Variants in HSPA12A observed in about 807,000 individuals in gnomAD.
HSPA12A encodes heat shock 70 kDa protein 12A.
In HSPA12A, 28 loss-of-function variants were observed where a neutral mutation model predicts 69.2. The observed-to-expected ratio is 0.40, with a 90% CI of 0.30 to 0.55. HSPA12A has a LOEUF of 0.55. Among genes scored for constraint, HSPA12A ranks in the 20% least tolerant of loss-of-function variants. The pLI is 0.38. For missense variants in HSPA12A, 686 were observed against 900.7 expected (o/e 0.76, Z 3.05); for synonymous variants, 345 against 370.5 (o/e 0.93, Z 0.79).
intron 2 of HSPA12A, among the ~76,000 whole-genome samples, chr10:116,807,871 C>A (rs1845098055): frequency 6.6e-6 from 1 of 152,204 alleles, no homozygotes; most frequent in South Asian, 2.1e-4. Context: ...ATTCTTCAAT[C>A]AGGACATGCA....
intron 2 of HSPA12A, among the ~76,000 whole-genome samples, chr10:116,781,301 G>GA (rs59929331): frequency 0.022 from 3,226 of 147,792 alleles, 96 homozygotes; most frequent in African/African-American, 0.073. Context: ...AAAGAAAACA[G>GA]AAAAAAAAAA....
chr10:116,797,258 C>G (rs371797264), intron 2 of HSPA12A, among the ~76,000 whole-genome samples: 1 of 128,510 alleles, frequency 7.8e-6, no homozygotes, highest in African/African-American at 2.9e-5. Context: ...GGCTGGTGCA[C>G]GGGGCTGACA....
chr10:116,692,759 T>C (rs572768166), intron 5 of HSPA12A, among the ~76,000 whole-genome samples: 1 of 152,324 alleles, frequency 6.6e-6, no homozygotes, highest in South Asian at 2.1e-4. Context: ...ACTGACAACC[T>C]CTTAGGCCTC....
intron 1 of HSPA12A, among the ~76,000 whole-genome samples, chr10:116,719,288 C>T (rs1268188378): frequency 6.6e-6 from 1 of 152,174 alleles, no homozygotes; most frequent in Non-Finnish European, 1.5e-5. Flanking sequence ...GGAAGTCGGC[C>T]TGGGGCTTCT....
intron 1 of HSPA12A, among the ~76,000 whole-genome samples, chr10:116,732,559 A>C (rs1034484939): frequency 6.6e-6 from 1 of 152,220 alleles, no homozygotes; most frequent in Non-Finnish European, 1.5e-5. Context: ...GCCAAGGCAC[A>C]AAAAGATGGG....
At chr10:116,771,372 G>T (rs1844204716) in intron 2 of HSPA12A, among the ~76,000 whole-genome samples, 2 of 152,262 alleles carry the variant, frequency 1.3e-5, no homozygotes, top group African/African-American at 2.4e-5. Context: ...TGGGGCCAGA[G>T]GCCAAAACTG....
rs1396477688 is a variant in HSPA12A, at chr10:116,789,819, T to C, written c.91+45116A>G. Among the ~76,000 whole-genome samples, 5 of 152,170 alleles carry C rather than the reference T, an allele frequency of 3.3e-5. No individual in the cohort carries two copies. The East Asian group carries it at 7.7e-4, about 24-fold the overall frequency. On this transcript the variant is annotated intron_variant, in intron 2 of 12. Coordinates refer to the HSPA12A transcript ENST00000635765. ...GTGAGGAGGGCATTATCTCTGGCCA[T>C]GCTTCATATCCCTGGAAGCTCTCTC...
At position 116,675,824 on chromosome 10, in the gene HSPA12A, A is replaced by G. The variant is rs964691242; in HGVS notation, c.1391-406T>C. Among the ~76,000 whole-genome samples the G allele has an allele frequency of 2.0e-5, 3 of 152,178 alleles. No individual in the cohort carries two copies. Among genetic ancestry groups the G allele is most frequent in the Admixed American group, 2.0e-4 (3 of 15,284 alleles). ...CCACTCCTAGAGAGTCTGATTTGGT[A>G]GGCGGGGGACAGGATACTGAAAGAG... On this transcript the variant is annotated intron_variant, in intron 11 of 11. Coordinates refer to ENST00000369209, the MANE Select transcript of HSPA12A (RefSeq NM_025015.3). This position sits in a 1 kb window ranked among gnomAD's most constrained non-coding sequence, Gnocchi z 5.2.
chr10:116,816,991 C>T (rs1564829313), intron 2 of HSPA12A, among the ~76,000 whole-genome samples: 1 of 152,176 alleles, frequency 6.6e-6, no homozygotes, highest in African/African-American at 2.4e-5. Context: ...ATCAACTATG[C>T]TGTCGAATGT....
At chr10:116,782,962 C>G (rs540466198) in intron 2 of HSPA12A, among the ~76,000 whole-genome samples, 28 of 152,302 alleles carry the variant, frequency 1.8e-4, no homozygotes, top group Middle Eastern at 6.8e-3. Context: ...GAAGTAACCT[C>G]AGAGAGGCAG....
At chr10:116,739,945 C>A (rs182362191) in intron 1 of HSPA12A, among the ~76,000 whole-genome samples, 2 of 152,262 alleles carry the variant, frequency 1.3e-5, no homozygotes, top group Admixed American at 1.3e-4. Flanking sequence ...ACACCACCCC[C>A]CAACACCACC....
intron 2 of HSPA12A, among the ~76,000 whole-genome samples, chr10:116,787,739 T>C (rs1337198195): frequency 1.3e-5 from 2 of 152,188 alleles, no homozygotes; most frequent in African/African-American, 2.4e-5. Flanking sequence ...CACTGCTTTT[T>C]CCAAAAACTT....
intron 7 of HSPA12A, among the ~76,000 whole-genome samples, 178 bp from the exon 8 acceptor site, chr10:116,682,055 T>C (rs1849421148): frequency 6.6e-6 from 1 of 152,196 alleles, no homozygotes; most frequent in African/African-American, 2.4e-5. Flanking sequence ...CCAGAGAAAG[T>C]GATTTCCACC....
intron 6 of HSPA12A, among the ~76,000 whole-genome samples, chr10:116,685,145 C>T (rs1193323252): frequency 6.6e-6 from 1 of 152,184 alleles, no homozygotes; most frequent in Non-Finnish European, 1.5e-5. Context: ...ACCATGCCTA[C>T]TGGGAGGAAG....
At chr10:116,765,730 A>T (rs1452673504) in intron 2 of HSPA12A, among the ~76,000 whole-genome samples, 2 of 152,154 alleles carry the variant, frequency 1.3e-5, no homozygotes, top group African/African-American at 4.8e-5. Context: ...AACCTGCCAT[A>T]GCCTGCTGTT....
chr10:116,827,799 A>G (rs1336762131), intron 2 of HSPA12A, among the ~76,000 whole-genome samples: 1 of 152,236 alleles, frequency 6.6e-6, no homozygotes, highest in Admixed American at 6.5e-5. Flanking sequence ...TTAGTCCCTC[A>G]GGTAAACAGA....
In HSPA12A at chr10:116,684,685, A is replaced by C. The variant is rs947036925; in HGVS notation, c.664-723T>G. 2.0e-5 allele frequency among the ~76,000 whole-genome samples: 3 copies of C among 152,250 alleles called. No homozygotes were observed. The South Asian group carries it at 6.2e-4, about 32-fold the overall frequency. On this transcript the variant is annotated intron_variant, in intron 6 of 11. Coordinates refer to ENST00000369209, the MANE Select transcript of HSPA12A (RefSeq NM_025015.3). ...AGAAGATATCTTATTCAAAGCCTCCACCCTTTAATAGTTTTATTATAGACA... is the reference window on the plus strand; with the variant it reads ...AGAAGATATCTTATTCAAAGCCTCCCCCCTTTAATAGTTTTATTATAGACA...
At chr10:116,695,592 G>A (rs12259866) in intron 5 of HSPA12A, among the ~76,000 whole-genome samples, 78,787 of 150,900 alleles carry the variant, frequency 0.52, 20,855 homozygotes, top group Middle Eastern at 0.63. Context: ...CGAGGCGGGC[G>A]GATCATGAGG....
chr10:116,816,447 T>G (rs1290144083), intron 2 of HSPA12A, among the ~76,000 whole-genome samples: 2 of 152,214 alleles, frequency 1.3e-5, no homozygotes, highest in Non-Finnish European at 2.9e-5. Flanking sequence ...CTCTTCACCT[T>G]TTCTCCGAGG....
Sources: allele counts gnomAD v4.1 joint callset (sites outside exome capture counted in the v4.1 genomes callset), GRCh38; gene constraint gnomAD v4.1.1; non-coding constraint Gnocchi (gnomAD v3.1); transcripts MANE v1.5; gene names NCBI Gene and HGNC (gene_info 2026-07-23, HGNC 2026-07-21).